Variants in TPRX1 observed in about 807,000 individuals in gnomAD.
TPRX1 encodes tetra-peptide repeat homeobox protein 1.
In TPRX1, 2 loss-of-function variants were observed where a neutral mutation model predicts 8.1. That is an observed-to-expected ratio of 0.25 (90% confidence interval 0.10 to 0.78). The LOEUF (loss-of-function observed/expected upper bound fraction) is 0.78, where lower values mean the gene tolerates loss of function less well. Ranked by LOEUF, TPRX1 falls within the 30% of genes least tolerant of loss-of-function variation. The probability of loss-of-function intolerance (pLI) is 0.70; values close to 1 mark genes in which losing one functional copy is unlikely to be tolerated. For missense variants in TPRX1, 517 were observed against 586.9 expected, an observed-to-expected ratio of 0.88 and a Z score of 1.23; for synonymous variants, 257 against 254.1, an observed-to-expected ratio of 1.01 and a Z score of -0.11.
intron 2 of TPRX1, among the ~76,000 whole-genome samples, chr19:47,813,368 C>A (rs1316689401): frequency 1.3e-5 from 2 of 151,704 alleles, no homozygotes; most frequent in South Asian, 2.1e-4. Flanking sequence ...AAGCCCACGA[C>A]CCCCCCAAAA....
chr19:47,805,833 T>C (rs1053253340), intron 2 of TPRX1, among the ~76,000 whole-genome samples: 3 of 152,124 alleles, frequency 2.0e-5, no homozygotes, highest in Admixed American at 6.6e-5. Flanking sequence ...TTTGTGAAAA[T>C]AGACATTTAA....
intron 3 of TPRX1, 116 bp from the exon 3 acceptor site, chr19:47,803,096 C>T: frequency 1.6e-6 from 2 of 1,249,562 alleles, no homozygotes; most frequent in Non-Finnish European, 2.1e-6. Flanking sequence ...GCCCCCCATC[C>T]CCCACCCCAC....
chr19:47,808,508 C>T (rs955220704), intron 2 of TPRX1, among the ~76,000 whole-genome samples: 19 of 151,784 alleles, frequency 1.3e-4, no homozygotes, highest in African/African-American at 4.1e-4. Context: ...ATGCAGATAT[C>T]GGCTCACTGC....
intron 2 of TPRX1, among the ~76,000 whole-genome samples, chr19:47,816,148 A>G (rs1485093168): frequency 2.7e-5 from 4 of 149,354 alleles, no homozygotes; most frequent in Admixed American, 6.7e-5. Flanking sequence ...GGCTCACTGC[A>G]TCCTCCGCCT....
At chr19:47,817,254 C>T (rs1314811168) in intron 2 of TPRX1, among the ~76,000 whole-genome samples, 1 of 152,184 alleles carries the variant, frequency 6.6e-6, no homozygotes, top group South Asian at 2.1e-4. Context: ...GAACCACAGA[C>T]CTTGGGAACA....
chr19:47,801,437 T>C (rs559145267), exon 4 of TPRX1: 11 of 227,608 alleles, frequency 4.8e-5, no homozygotes, highest in Non-Finnish European at 8.5e-5. Context: ...CGACAAACAT[T>C]AAAAAGTCTC....
At chr19:47,815,455 AAG>A (rs1406657751) in intron 2 of TPRX1, among the ~76,000 whole-genome samples, 4 of 149,082 alleles carry the variant, frequency 2.7e-5, no homozygotes. Flanking sequence ...ACCTGGCTCA[AAG>A]AATACTTTAA....
intron 2 of TPRX1, among the ~76,000 whole-genome samples, 85 bp from the exon 1 acceptor site, chr19:47,804,636 G>A (rs2932765): frequency 0.041 from 5,824 of 142,154 alleles, 145 homozygotes; most frequent in Middle Eastern, 0.082. Flanking sequence ...CCACCCTGCC[G>A]GGACCCTCCC....
rs1555799999 is a variant in TPRX1, at chr19:47,815,121, T to TATATATATATATATATGTAA, written c.151+3346_151+3347insTTACATATATATATATATAT. ...GCTCAATAAATAGATAAATTATATA[T>TATATATATATATATATGTAA]ATATATATATATATATATATATGCA... On this transcript the variant is annotated intron_variant, in intron 2 of 3. Coordinates refer to ENST00000535759, the Ensembl canonical transcript of TPRX1. 2.2e-5 allele frequency among the ~76,000 whole-genome samples: 2 copies of TATATATATATATATATGTAA among 90,252 alleles called. 1 individual carries two copies. The highest frequency in any genetic ancestry group is 9.5e-5 in the African/African-American group (2 of 20,948). 59.2% of individuals were successfully genotyped at this position (90,252 alleles called of 152,430 possible). A position where few individuals can be genotyped will look rare whatever the true frequency, so the allele number is the denominator to read the frequency against.
At chr19:47,815,157 TA>T (rs1421410648) in intron 2 of TPRX1, among the ~76,000 whole-genome samples, 15 of 89,194 alleles carry the variant, frequency 1.7e-4, no homozygotes, top group African/African-American at 6.8e-4. Context: ...AATATATATA[TA>T]TATATTTTTT....
chr19:47,815,162 A>ATGCAAATATATATATATAT (rs1360730858), intron 2 of TPRX1, among the ~76,000 whole-genome samples: 1 of 74,710 alleles, frequency 1.3e-5, no homozygotes, highest in African/African-American at 5.1e-5. Context: ...ATATATATAT[A>ATGCAAATATATATATATAT]TTTTTTTTTT....
At chr19:47,801,693 T>A in exon 4 of TPRX1, 2 of 1,496,674 alleles carry the variant, frequency 1.3e-6, no homozygotes, top group Non-Finnish European at 1.8e-6. Flanking sequence ...GGGTGATGCA[T>A]TCACTGCAGA....
chr19:47,818,745 C>G (rs1967874522), intron 1 of TPRX1, among the ~76,000 whole-genome samples: 2 of 152,282 alleles, frequency 1.3e-5, no homozygotes, highest in Non-Finnish European at 2.9e-5. Flanking sequence ...TTTAACCCCA[C>G]TTTTTTTGTT....
intron 2 of TPRX1, among the ~76,000 whole-genome samples, chr19:47,810,628 C>T (rs1026682109): frequency 2.0e-5 from 3 of 151,792 alleles, no homozygotes; most frequent in South Asian, 2.1e-4. Context: ...ATTACAGGCG[C>T]GTCCAGCCTT....
At chr19:47,802,849 T>C in exon 4 of TPRX1, 1 of 1,601,038 alleles carries the variant, frequency 6.2e-7, no homozygotes, top group Non-Finnish European at 8.5e-7. Flanking sequence ...CCCGCTGAGG[T>C]GCGGAGGCAG....
chr19:47,802,642 G>C, exon 4 of TPRX1: 1 of 1,553,256 alleles, frequency 6.4e-7, no homozygotes, highest in South Asian at 1.2e-5. Flanking sequence ...TCTGAGCTGG[G>C]CCTGGAATTG....
At chr19:47,802,571 C>T in exon 4 of TPRX1, 1 of 1,548,040 alleles carries the variant, frequency 6.5e-7, no homozygotes, top group Non-Finnish European at 8.7e-7. Context: ...ACGGAATGGG[C>T]CTGGGATCTG....
Position 47,804,498 on chromosome 19 carries a change from C to T in TPRX1, c.152-825G>A, listed in dbSNP as rs1292519426. ...ACAGGATCAGCCCAGACCCCTCACA[C>T]CTCTGTCCCCGCTCACCTTGGAGAT... On this transcript the variant is annotated intron_variant, in intron 2 of 3. Coordinates refer to ENST00000535759, the Ensembl canonical transcript of TPRX1. Among the ~76,000 whole-genome samples, 1 of 152,220 alleles carries T rather than the reference C, an allele frequency of 6.6e-6. No homozygotes were observed. The highest frequency in any genetic ancestry group is 1.5e-5 in the Non-Finnish European group (1 of 68,040).
intron 2 of TPRX1, 81 bp from the exon 2 acceptor site, chr19:47,803,754 C>G: frequency 1.4e-6 from 1 of 696,336 alleles, no homozygotes; most frequent in Non-Finnish European, 2.3e-6. Context: ...CTGCACCAGG[C>G]CAGGAGCCCA....
Sources: gnomAD v4.1 joint callset for allele counts (sites outside exome capture counted in the v4.1 genomes callset) on GRCh38, gnomAD v4.1.1 for gene constraint, MANE v1.5 for transcripts, NCBI Gene and HGNC (gene_info 2026-07-23, HGNC 2026-07-21) for gene names.